Variants in NUP133 observed in about 807,000 individuals in gnomAD.
NUP133 encodes the protein nuclear pore complex protein Nup133.
A neutral mutation model predicts 146.2 loss-of-function variants in NUP133; 66 were observed. The observed-to-expected ratio is 0.45, with a 90% CI of 0.37 to 0.55. The LOEUF (loss-of-function observed/expected upper bound fraction) is 0.55. NUP133 is among the 20% of genes least tolerant of loss of function. NUP133 has a pLI of 0.00. For missense variants in NUP133, 1,277 were observed against 1,374.8 expected, an observed-to-expected ratio of 0.93 and a Z score of 1.12; for synonymous variants, 521 against 498.8, an observed-to-expected ratio of 1.04 and a Z score of -0.59.
At chr1:229,452,941 A>G (rs1660488074) in intron 21 of NUP133, among the ~76,000 whole-genome samples, 1 of 152,198 alleles carries the variant, frequency 6.6e-6, no homozygotes, top group Non-Finnish European at 1.5e-5. Flanking sequence ...GAGAGCAGAT[A>G]GCTATTTCAT....
At chr1:229,476,412 A>G (rs1378924069) in intron 13 of NUP133, among the ~76,000 whole-genome samples, 1 of 152,210 alleles carries the variant, frequency 6.6e-6, no homozygotes, top group Non-Finnish European at 1.5e-5. Context: ...TTAGGGAGAG[A>G]AACATGTTTG....
intron 12 of NUP133, among the ~76,000 whole-genome samples, chr1:229,478,083 T>C (rs1443365370): frequency 1.3e-5 from 2 of 152,174 alleles, no homozygotes; most frequent in Non-Finnish European, 2.9e-5. Context: ...TTACGCATTG[T>C]ATGCCCGTAT....
chr1:229,501,746 C>A (rs1661805680), intron 3 of NUP133, among the ~76,000 whole-genome samples: 1 of 152,226 alleles, frequency 6.6e-6, no homozygotes, highest in South Asian at 2.1e-4. Flanking sequence ...GCATTATATT[C>A]ATTGGAAATA....
chr1:229,452,606 C>G lies in NUP133; in HGVS notation c.3018G>C (p.Glu1006Asp). 1.9e-6 allele frequency: 3 copies of G among 1,613,440 alleles called. No homozygotes were observed. Among genetic ancestry groups the G allele is most frequent in the South Asian group, 1.1e-5 (1 of 91,036 alleles). Residue 1006 changes from glutamate (E) to aspartate (D), a missense_variant, in exon 22 of 26, where the codon GAG (glutamate) becomes GAC (aspartate). Transcript: ENST00000261396. ...CCGCCAGCAGCTGTTCAGGTAGGGT[C>G]TCCTGATGCAGTAGAAAGCGCTCCT... is the stretch of plus-strand genomic sequence containing the variant. Reference protein sequence around the residue: ...AEQERFLLHQETLPEQLLAEK... With the variant: ...AEQERFLLHQDTLPEQLLAEK...
intron 15 of NUP133, among the ~76,000 whole-genome samples, chr1:229,467,392 A>T (rs1041986655): frequency 9.9e-5 from 15 of 152,212 alleles, no homozygotes; most frequent in African/African-American, 3.4e-4. Context: ...CAGAGATAAG[A>T]GGAAAGAAAA....
intron 10 of NUP133, 133 bp downstream of exon 10, chr1:229,487,333 G>A (rs1661378947): frequency 2.4e-6 from 2 of 839,684 alleles, no homozygotes; most frequent in Non-Finnish European, 1.9e-6. Context: ...TTCAGCTGCT[G>A]TAGTTGTGGT....
At chr1:229,466,286 G>A (rs961134671) in intron 16 of NUP133, among the ~76,000 whole-genome samples, 2 of 152,194 alleles carry the variant, frequency 1.3e-5, no homozygotes, top group African/African-American at 4.8e-5. Context: ...AGTGAGCTAT[G>A]ATGGTGCCAC....
At chr1:229,489,875 A>G (rs1661463841) in intron 9 of NUP133, 80 bp downstream of exon 9, 4 of 1,311,094 alleles carry the variant, frequency 3.1e-6, no homozygotes, top group Non-Finnish European at 4.1e-6. Flanking sequence ...AACTCTTTCA[A>G]TAAATAAATA....
chr1:229,452,700 C>G (rs926768921), intron 21 of NUP133, 57 bp from the exon 22 acceptor site: 2 of 1,330,428 alleles, frequency 1.5e-6, no homozygotes, highest in African/African-American at 2.9e-5. Flanking sequence ...GACTTTTGCT[C>G]TCATTTTTGC....
rs189431 is a variant in NUP133 at position 229,505,625 on chromosome 1, G to A, written c.301+415C>T. 5.5e-4 allele frequency among the ~76,000 whole-genome samples: 76 copies of A among 138,212 alleles called. 2 individuals are homozygous for A. The highest frequency in any genetic ancestry group is 1.9e-3 in the African/African-American group (70 of 37,068). 90.7% of individuals were successfully genotyped at this position (138,212 alleles called of 152,430 possible). ...CAGGTGGCCAGATGTGGTGGCTCAC[G>A]CCTGTAATCCCAGCACTTTGGGAGG... On this transcript the variant is annotated intron_variant, in intron 2 of 25. Transcript: ENST00000261396.
intron 21 of NUP133, among the ~76,000 whole-genome samples, chr1:229,453,467 T>C (rs953221877): frequency 2.0e-5 from 3 of 152,176 alleles, no homozygotes; most frequent in African/African-American, 4.8e-5. Flanking sequence ...TGGTATTGCA[T>C]TAAACACAGG....
At chr1:229,503,792 A>G (rs1571943475) in intron 2 of NUP133, among the ~76,000 whole-genome samples, 1 of 152,194 alleles carries the variant, frequency 6.6e-6, no homozygotes, top group East Asian at 1.9e-4. Flanking sequence ...CAGGTTTCTA[A>G]GTGGGGAAGA....
At position 229,499,551 on chromosome 1, in the gene NUP133, T is replaced by C. The variant is rs1156398226; in HGVS notation, c.648+133A>G. 1.1e-5 allele frequency: 10 copies of C among 925,888 alleles called. No individual in the cohort carries two copies. In the Admixed American group the frequency reaches 2.5e-4, roughly 23 times the overall value. 57.4% of individuals were successfully genotyped at this position (925,888 alleles called of 1,614,324 possible). ...GGGAAGCCAAAGCAGGAGTTATTGC[T>C]TGAGCCCAGGAGTTTGAGAATTGCC... is the stretch of plus-strand genomic sequence containing the variant. On this transcript the variant is annotated intron_variant, in intron 5 of 25. Coordinates refer to ENST00000261396, the MANE Select transcript of NUP133 (RefSeq NM_018230.3).
At chr1:229,485,858 T>C (rs1302952780) in intron 11 of NUP133, among the ~76,000 whole-genome samples, 1 of 152,130 alleles carries the variant, frequency 6.6e-6, no homozygotes, top group African/African-American at 2.4e-5. Flanking sequence ...TTGTATAAAA[T>C]AATCTGATAA....
At chr1:229,492,983 G>C (rs1407798391) in intron 8 of NUP133, among the ~76,000 whole-genome samples, 1 of 152,010 alleles carries the variant, frequency 6.6e-6, no homozygotes, top group Non-Finnish European at 1.5e-5. Context: ...TGTTGGCAGT[G>C]TCTCTCTCTC....
chr1:229,464,971 G>C, intron 17 of NUP133, 96 bp from the exon 18 acceptor site: 1 of 1,411,808 alleles, frequency 7.1e-7, no homozygotes, highest in Non-Finnish European at 9.8e-7. Context: ...CTTCATCACT[G>C]CTGGAAAATT....
At chr1:229,477,797 G>A in intron 12 of NUP133, 37 bp from the exon 13 acceptor site, 4 of 1,512,256 alleles carry the variant, frequency 2.6e-6, no homozygotes, top group Non-Finnish European at 3.6e-6. Context: ...ATTAAGGGAG[G>A]CAAAATATTT....
chr1:229,474,424 A>G (rs547923264), intron 14 of NUP133, among the ~76,000 whole-genome samples: 1 of 152,362 alleles, frequency 6.6e-6, no homozygotes, highest in South Asian at 2.1e-4. Context: ...TAACAAAAAA[A>G]GAGAGACTCA....
chr1:229,491,233 A>G (rs1020630083), intron 8 of NUP133, among the ~76,000 whole-genome samples: 3 of 152,256 alleles, frequency 2.0e-5, no homozygotes, highest in African/African-American at 7.2e-5. Flanking sequence ...TAAAGACTAC[A>G]TGGCCGCCAA....
Sources: gnomAD v4.1 joint callset for allele counts (sites outside exome capture counted in the v4.1 genomes callset) on GRCh38, gnomAD v4.1.1 for gene constraint, MANE v1.5 for transcripts, NCBI Gene and HGNC (gene_info 2026-07-23, HGNC 2026-07-21) for gene names.